The following HABP4 variants were observed in gnomAD, a reference collection of about 807,000 sequenced individuals.
HABP4 encodes intracellular hyaluronan-binding protein 4.
HABP4 carries 32 observed loss-of-function variants against 44.1 expected under a neutral mutation model. That is an observed-to-expected ratio of 0.73 (90% CI 0.55 to 0.97). HABP4 has a LOEUF of 0.97. Among genes scored for constraint, HABP4 ranks in the 50% least tolerant of loss-of-function variants. HABP4 has a pLI of 0.00. For synonymous variants in HABP4, 216 were observed against 218.0 expected, an observed-to-expected ratio of 0.99 and a Z score of 0.08; for missense variants, 503 against 561.9, an observed-to-expected ratio of 0.90 and a Z score of 1.06.
At chr9:96,470,925 AAAAC>A in intron 4 of HABP4, 82 bp from the exon 5 acceptor site, 1 of 884,342 alleles carries the variant, frequency 1.1e-6, no homozygotes, top group Non-Finnish European at 1.8e-6. Context: ...AAAAACCAAA[AAAAC>A]AATGTTTTCT....
intron 1 of HABP4, among the ~76,000 whole-genome samples, chr9:96,451,259 G>A (rs2131105623): frequency 6.6e-6 from 1 of 152,358 alleles, no homozygotes; most frequent in East Asian, 1.9e-4. Flanking sequence ...CTTATAAATA[G>A]CTCAAGGCTG....
chr9:96,475,324 C>T (rs1242915757), intron 5 of HABP4, among the ~76,000 whole-genome samples: 2 of 149,018 alleles, frequency 1.3e-5, no homozygotes, highest in East Asian at 2.0e-4. Context: ...TGCAGTGAGC[C>T]GAGATCGTGC....
rs1833070420 is a variant in HABP4, at chr9:96,490,426, CAT to C, written c.*390_*391del. On this transcript the variant is annotated 3_prime_UTR_variant, in exon 8 of 8. Coordinates refer to ENST00000375249, the MANE Select transcript of HABP4 (RefSeq NM_014282.4). ...TGTGCCTTTAGCGTTAGAGGAAACA[CAT>C]AGAGCTGGAACTGTTAATGGAAAGC... is the stretch of plus-strand genomic sequence containing the variant. 1 of 172,154 alleles carries C rather than the reference CAT, an allele frequency of 5.8e-6. No homozygotes were observed. Among genetic ancestry groups the C allele is most frequent in the Non-Finnish European group, 1.2e-5 (1 of 81,436 alleles). 10.7% of individuals were successfully genotyped at this position (172,154 alleles called of 1,614,324 possible).
In HABP4 at chr9:96,458,655, C is replaced by A. The variant is rs1314987892; in HGVS notation, c.512+114C>A. Reference sequence around the variant, plus strand: ...TTTTTTTTTTTTTGAGACAGTTTCGCTCTTGTCGCCCAGGCTGGAGTGCAA... The same window carrying A: ...TTTTTTTTTTTTTGAGACAGTTTCGATCTTGTCGCCCAGGCTGGAGTGCAA... On this transcript the variant is annotated intron_variant, in intron 2 of 7. Transcript: ENST00000375249. 8 of 703,342 alleles carry A rather than the reference C, an allele frequency of 1.1e-5. No individual in the cohort carries two copies. The East Asian group carries it at 2.3e-4, about 20-fold the overall frequency. The allele number at this position is 703,342 out of a possible 1,614,324, so 43.6% of individuals were successfully genotyped here.
chr9:96,472,507 G>A (rs1306692016), intron 5 of HABP4, among the ~76,000 whole-genome samples: 1 of 152,052 alleles, frequency 6.6e-6, no homozygotes, highest in Non-Finnish European at 1.5e-5. Context: ...ATACAAGACT[G>A]CTACACCTGC....
intron 1 of HABP4, among the ~76,000 whole-genome samples, chr9:96,455,108 C>G (rs1832350999): frequency 6.6e-6 from 1 of 151,048 alleles, no homozygotes; most frequent in South Asian, 2.1e-4. Flanking sequence ...GACAGAGACC[C>G]TGTCGAAAAA....
chr9:96,490,044 C>A lies in HABP4; in HGVS notation c.*6C>A. 6.3e-7 allele frequency: 1 copy of A among 1,577,996 alleles called. No individual in the cohort carries two copies. The highest frequency in any genetic ancestry group is 8.7e-7 in the Non-Finnish European group (1 of 1,146,934). ...ATTTCCCTGCGCTGTCTTGAAAGAG[C>A]CCTGTTTCCCAGCACCGCGGAGCTG... is the stretch of plus-strand genomic sequence containing the variant. On this transcript the variant is annotated 3_prime_UTR_variant, in exon 8 of 8. Coordinates refer to ENST00000375249, the MANE Select transcript of HABP4 (RefSeq NM_014282.4).
chr9:96,489,532 G>T (rs1833043809), intron 7 of HABP4, among the ~76,000 whole-genome samples: 1 of 151,788 alleles, frequency 6.6e-6, no homozygotes, highest in South Asian at 2.1e-4. Context: ...GCCTGACCTT[G>T]GTGTCCACTG....
intron 2 of HABP4, among the ~76,000 whole-genome samples, chr9:96,464,067 G>A (rs982345889): frequency 1.6e-4 from 24 of 152,216 alleles, no homozygotes; most frequent in Non-Finnish European, 3.4e-4. Context: ...AGGGAGGAGT[G>A]GGTGGGCAAT....
intron 4 of HABP4, among the ~76,000 whole-genome samples, chr9:96,466,848 A>G (rs931530863): frequency 4.6e-5 from 7 of 151,618 alleles, no homozygotes; most frequent in African/African-American, 1.7e-4. Context: ...GCAGTGCTAC[A>G]GGGCAGGCTT....
intron 2 of HABP4, among the ~76,000 whole-genome samples, chr9:96,463,841 C>T (rs571799791): frequency 1.3e-5 from 2 of 152,172 alleles, no homozygotes; most frequent in Admixed American, 6.5e-5. Context: ...TGTAACATAC[C>T]TCTACTGCTG....
At chr9:96,473,868 G>C (rs1412180656) in intron 5 of HABP4, among the ~76,000 whole-genome samples, 1 of 152,198 alleles carries the variant, frequency 6.6e-6, no homozygotes, top group Non-Finnish European at 1.5e-5. Context: ...TAGTGGTTAA[G>C]AGCACAGACA....
chr9:96,466,446 C>T (rs1346743354), intron 4 of HABP4, among the ~76,000 whole-genome samples: 3 of 152,146 alleles, frequency 2.0e-5, no homozygotes, highest in African/African-American at 7.2e-5. Flanking sequence ...ATGTTGCCCA[C>T]ACTGGTCTTG....
At chr9:96,455,457 CAAAAAAAAA>C (rs34929442) in intron 1 of HABP4, among the ~76,000 whole-genome samples, 11 of 62,984 alleles carry the variant, frequency 1.7e-4, no homozygotes, top group East Asian at 6.1e-4. Flanking sequence ...GAGACTGTCT[CAAAAAAAAA>C]AAAAAAAAAA....
At chr9:96,460,816 G>A (rs1287977515) in intron 2 of HABP4, among the ~76,000 whole-genome samples, 2 of 152,318 alleles carry the variant, frequency 1.3e-5, no homozygotes, top group East Asian at 1.9e-4. Context: ...GTACAGATAT[G>A]TAGGGGATTT....
At chr9:96,473,278 C>T (rs1233915225) in intron 5 of HABP4, among the ~76,000 whole-genome samples, 6 of 152,196 alleles carry the variant, frequency 3.9e-5, no homozygotes, top group Non-Finnish European at 8.8e-5. Flanking sequence ...TGAGCTGACT[C>T]CTCCCCACAC....
chr9:96,452,115 TA>T (rs1365261997), intron 1 of HABP4, among the ~76,000 whole-genome samples: 2 of 151,392 alleles, frequency 1.3e-5, no homozygotes, highest in Non-Finnish European at 2.9e-5. Context: ...TAGGTCCAGC[TA>T]CTCGGGAGGC....
intron 5 of HABP4, among the ~76,000 whole-genome samples, chr9:96,472,172 G>A (rs1415062361): frequency 3.9e-5 from 6 of 152,048 alleles, no homozygotes. Context: ...ACCCCTCCTG[G>A]GTGACTCCAC....
intron 5 of HABP4, among the ~76,000 whole-genome samples, chr9:96,476,470 C>T (rs1460558490): frequency 2.0e-5 from 3 of 152,168 alleles, no homozygotes; most frequent in Admixed American, 6.5e-5. Flanking sequence ...GATTTGACCA[C>T]CTTATATCCA....
Sources: allele counts gnomAD v4.1 joint callset (sites outside exome capture counted in the v4.1 genomes callset), GRCh38; gene constraint gnomAD v4.1.1; transcripts MANE v1.5; gene names NCBI Gene and HGNC (gene_info 2026-07-23, HGNC 2026-07-21).